ERG: variants seen among roughly 807,000 people sequenced by gnomAD.
ERG encodes the protein transcriptional regulator ERG.
ERG carries 9 observed loss-of-function variants against 55.3 expected under a neutral mutation model. The observed-to-expected ratio is 0.16, with a 90% CI of 0.10 to 0.28. The LOEUF (loss-of-function observed/expected upper bound fraction) is 0.28. ERG is among the 10% of genes least tolerant of loss of function. The pLI is 1.00. For synonymous variants in ERG, 223 were observed against 237.3 expected (o/e 0.94, Z 0.55); for missense variants, 434 against 631.6 (o/e 0.69, Z 3.35).
chr21:38,558,904 A>G (rs2059875041), intron 2 of ERG, among the ~76,000 whole-genome samples: 1 of 152,256 alleles, frequency 6.6e-6, no homozygotes, highest in African/African-American at 2.4e-5. Flanking sequence ...GTCTTTCATC[A>G]AGGTGCAAGG....
chr21:38,503,724 G>C (rs953875619), intron 2 of ERG, among the ~76,000 whole-genome samples: 1 of 152,142 alleles, frequency 6.6e-6, no homozygotes, highest in East Asian at 1.9e-4. Flanking sequence ...TGAGAGCCCC[G>C]CAAGAACGAT....
intron 2 of ERG, among the ~76,000 whole-genome samples, chr21:38,535,075 G>A (rs1408381738): frequency 6.6e-6 from 1 of 152,036 alleles, no homozygotes; most frequent in Non-Finnish European, 1.5e-5. Flanking sequence ...ATTAAGCCCA[G>A]TATGTATTAG....
In ERG at chr21:38,381,555, G is replaced by A. The variant is rs200647002; in HGVS notation, c.*1848C>T. The A allele has an allele frequency of 3.3e-5, 35 of 1,063,378 alleles. No homozygotes were observed. The highest frequency in any genetic ancestry group is 5.0e-5 in the East Asian group (1 of 19,840). The allele number at this position is 1,063,378 out of a possible 1,614,324, so 65.9% of individuals were successfully genotyped here. ...GAGAAACCCCGCAGCAAATCTAGAC[G>A]TTATCCCTTGTTTCTGTAAAGTGAG... On this transcript the variant is annotated 3_prime_UTR_variant, in exon 10 of 10. Transcript: ENST00000288319.
At chr21:38,418,311 G>T (rs1276741657) in intron 3 of ERG, among the ~76,000 whole-genome samples, 1 of 149,468 alleles carries the variant, frequency 6.7e-6, no homozygotes, top group Non-Finnish European at 1.5e-5. Flanking sequence ...GTCTGGGAAA[G>T]GGTCTCACTC....
intron 1 of ERG, among the ~76,000 whole-genome samples, chr21:38,642,885 G>C (rs2060433775): frequency 6.6e-6 from 1 of 152,242 alleles, no homozygotes; most frequent in African/African-American, 2.4e-5. Context: ...CTTGAGGAAA[G>C]TGCTGAGTTA....
chr21:38,575,797 G>A, intron 1 of ERG: 1 of 1,342,170 alleles, frequency 7.5e-7, no homozygotes, highest in Non-Finnish European at 1.1e-6. Context: ...CTGCATTTCT[G>A]TGTTTTATGT....
intron 1 of ERG, among the ~76,000 whole-genome samples, chr21:38,603,846 T>C (rs918333569): frequency 5.3e-5 from 8 of 151,944 alleles, no homozygotes; most frequent in Middle Eastern, 3.2e-3. Context: ...GGGGTGGAGG[T>C]TAAAGTGTCC....
At chr21:38,586,162 A>T (rs2060062710), upstream of ERG, among the ~76,000 whole-genome samples, 1 of 132,340 alleles carries the variant, frequency 7.6e-6, no homozygotes, top group Admixed American at 7.5e-5. Context: ...ACCGTGTACA[A>T]CATTATGTTT....
intron 2 of ERG, among the ~76,000 whole-genome samples, chr21:38,525,491 G>A (rs1037748283): frequency 1.3e-5 from 2 of 152,084 alleles, no homozygotes; most frequent in Admixed American, 6.6e-5. Context: ...AGAAGCACGC[G>A]CAAAGCTCTC....
chr21:38,553,010 A>G (rs903346551), intron 2 of ERG, among the ~76,000 whole-genome samples: 1 of 152,254 alleles, frequency 6.6e-6, no homozygotes. Flanking sequence ...TACAAAATCA[A>G]TGTACAAAAA....
intron 1 of ERG, among the ~76,000 whole-genome samples, chr21:38,453,457 C>T (rs1174702971): frequency 6.6e-6 from 1 of 152,208 alleles, no homozygotes; most frequent in East Asian, 1.9e-4. Flanking sequence ...TTTCTCAGTG[C>T]CATGCAGAAT....
chr21:38,533,771 T>A (rs750350374), intron 2 of ERG, among the ~76,000 whole-genome samples: 2 of 152,146 alleles, frequency 1.3e-5, no homozygotes, highest in Non-Finnish European at 2.9e-5. Context: ...ACGTGGAAAG[T>A]TTCAGAGCCT....
chr21:38,510,685 G>A (rs899372336), intron 2 of ERG, among the ~76,000 whole-genome samples: 1 of 152,186 alleles, frequency 6.6e-6, no homozygotes, highest in African/African-American at 2.4e-5. Flanking sequence ...AGTGACCCAT[G>A]GAAGTTGAGG....
intron 1 of ERG, among the ~76,000 whole-genome samples, chr21:38,477,727 G>A (rs574966961): frequency 1.3e-5 from 2 of 152,284 alleles, no homozygotes; most frequent in East Asian, 3.9e-4. Flanking sequence ...CTATGACATA[G>A]AGCTGGCTAC....
chr21:38,457,450 A>C (rs1283496776), intron 1 of ERG, among the ~76,000 whole-genome samples: 1 of 149,566 alleles, frequency 6.7e-6, no homozygotes, highest in Non-Finnish European at 1.5e-5. Context: ...AAAAAAAAAA[A>C]AGTCACAAAT....
Position 38,445,460 on chromosome 21 carries a change from G to A in ERG, c.180C>T (p.Pro60=), listed in dbSNP as rs759156349. 1 of 1,614,146 alleles carries A rather than the reference G, an allele frequency of 6.2e-7. No individual in the cohort carries two copies. The highest frequency in any genetic ancestry group is 8.5e-7 in the Non-Finnish European group (1 of 1,180,032). ...RVPQQDWLSQ[P]PARVTIKMEC... The stretch of plus-strand genomic sequence containing the variant: ...CCATTTTGATGGTGACCCTGGCTGG[G>A]GGTTGAGACAGCCAATCCTGCTGAG... The change falls in exon 2 of 10, where the codon CCC becomes CCT. Residue 60 remains proline (P), a synonymous_variant. Coordinates refer to ENST00000288319, the MANE Select transcript of ERG (RefSeq NM_182918.4).
chr21:38,578,020 C>T (rs2060005469), intron 1 of ERG, among the ~76,000 whole-genome samples: 1 of 152,176 alleles, frequency 6.6e-6, no homozygotes, highest in Non-Finnish European at 1.5e-5. Flanking sequence ...CTCCTGAAAC[C>T]AAGTCCCCAT....
chr21:38,468,617 G>C (rs186875521), intron 1 of ERG, among the ~76,000 whole-genome samples: 3 of 152,072 alleles, frequency 2.0e-5, no homozygotes, highest in Non-Finnish European at 4.4e-5. Context: ...AATGCCAGGG[G>C]AGCCTTCACC....
At chr21:38,596,005 GT>G (rs2060128693) in intron 1 of ERG, among the ~76,000 whole-genome samples, 1 of 145,816 alleles carries the variant, frequency 6.9e-6, no homozygotes, top group Admixed American at 6.8e-5. Flanking sequence ...ATCTGAACAG[GT>G]TTTGCAATCC....
Sources: allele counts gnomAD v4.1 joint callset (sites outside exome capture counted in the v4.1 genomes callset), GRCh38; gene constraint gnomAD v4.1.1; transcripts MANE v1.5; gene names NCBI Gene and HGNC (gene_info 2026-07-23, HGNC 2026-07-21).